Variants in TPD52 observed in about 807,000 individuals in gnomAD.
TPD52 encodes the protein prostate and colon associated protein.
In TPD52, 17 loss-of-function variants were observed where a neutral mutation model predicts 31.3. The ratio of observed to expected loss-of-function variants is 0.54; its 90% CI spans 0.37 to 0.82. The LOEUF is 0.82. Ranked by LOEUF, TPD52 falls within the 40% of genes least tolerant of loss-of-function variation. TPD52 has a pLI of 0.00. For synonymous variants in TPD52, 83 were observed against 89.6 expected, an observed-to-expected ratio of 0.93 and a Z score of 0.42; for missense variants, 212 against 240.1, an observed-to-expected ratio of 0.88 and a Z score of 0.77.
intron 1 of TPD52, among the ~76,000 whole-genome samples, chr8:80,147,312 C>T (rs1810261603): frequency 1.3e-5 from 2 of 152,214 alleles, no homozygotes; most frequent in African/African-American, 2.4e-5. Flanking sequence ...TAAGGGAGAC[C>T]TCGCTGACGG....
intron 1 of TPD52, among the ~76,000 whole-genome samples, chr8:80,087,424 C>T (rs1299350583): frequency 6.6e-6 from 1 of 152,246 alleles, no homozygotes; most frequent in Non-Finnish European, 1.5e-5. Flanking sequence ...AGCAAAGTAA[C>T]ACAGGAGCAG....
rs764324039 is a variant in TPD52, at chr8:80,050,439, C to T, written c.413+6G>A. 59 of 1,606,252 alleles carry T rather than the reference C, an allele frequency of 3.7e-5. No homozygotes were observed. The South Asian group carries it at 6.2e-4, about 17-fold the overall frequency. ...GGACTGCAGTGATGGTTCAAACTCT[C>T]CTTACCTAAAGGAATGTGAAAAGGC... On this transcript the variant is annotated splice_donor_region_variant and intron_variant, in intron 5 of 7. Coordinates refer to ENST00000518937, the MANE Select transcript of TPD52 (RefSeq NM_001025253.3).
At chr8:80,115,255 T>G (rs952871380) in intron 1 of TPD52, among the ~76,000 whole-genome samples, 4 of 152,004 alleles carry the variant, frequency 2.6e-5, no homozygotes, top group African/African-American at 9.7e-5. Flanking sequence ...TGGCAGAAAG[T>G]CTCCGCCCGT....
intron 1 of TPD52, among the ~76,000 whole-genome samples, chr8:80,085,971 A>T (rs1225250828): frequency 6.6e-6 from 1 of 152,078 alleles, no homozygotes. Flanking sequence ...TGAGAGGCAG[A>T]TGGACCGCTC....
At chr8:80,086,354 T>A (rs981869004) in intron 1 of TPD52, among the ~76,000 whole-genome samples, 1 of 151,658 alleles carries the variant, frequency 6.6e-6, no homozygotes, top group African/African-American at 2.4e-5. Flanking sequence ...CCTGACCTCG[T>A]GATCCACCCG....
intron 4 of TPD52, chr8:80,051,239 A>C: frequency 2.3e-6 from 1 of 428,874 alleles, no homozygotes. Context: ...TTTGCAACCA[A>C]AGACATACTT....
At chr8:80,107,604 A>T (rs1385877652) in intron 1 of TPD52, among the ~76,000 whole-genome samples, 2 of 152,216 alleles carry the variant, frequency 1.3e-5, no homozygotes, top group Non-Finnish European at 2.9e-5. Context: ...ATATACACAC[A>T]CATATGTGAT....
At chr8:80,079,242 GAA>G (rs1814956764) in intron 1 of TPD52, among the ~76,000 whole-genome samples, 2 of 152,220 alleles carry the variant, frequency 1.3e-5, no homozygotes, top group Admixed American at 1.3e-4. Flanking sequence ...CAGCACTGGA[GAA>G]AGTTTCCTGG....
intron 1 of TPD52, among the ~76,000 whole-genome samples, chr8:80,156,532 T>C (rs1163697625): frequency 6.6e-6 from 1 of 152,120 alleles, no homozygotes; most frequent in African/African-American, 2.4e-5. Context: ...GATGTTGATG[T>C]GGGTAGATTC....
intron 1 of TPD52, among the ~76,000 whole-genome samples, chr8:80,139,578 T>G (rs1458384414): frequency 6.6e-6 from 1 of 151,774 alleles, no homozygotes; most frequent in East Asian, 1.9e-4. Context: ...AGGTAAAGAT[T>G]TGCCTTGGGG....
At position 80,038,043 on chromosome 8, in the gene TPD52, T is replaced by C; in HGVS notation, c.*73A>G. The C allele has an allele frequency of 6.4e-7, 1 of 1,570,064 alleles. No individual in the cohort carries two copies. The highest frequency in any genetic ancestry group is 8.7e-7 in the Non-Finnish European group (1 of 1,151,498). On this transcript the variant is annotated 3_prime_UTR_variant, in exon 8 of 8. Coordinates refer to ENST00000518937, the MANE Select transcript of TPD52 (RefSeq NM_001025253.3). ...CACATCTGGTAGAAATTCATGGCAA[T>C]GCATGTTGACAAGATGTGCTTGGAC...
intron 2 of TPD52, among the ~76,000 whole-genome samples, chr8:80,060,917 CCCATTTTTA>C (rs1407264419): frequency 2.6e-5 from 4 of 152,046 alleles, no homozygotes; most frequent in Non-Finnish European, 4.4e-5. Flanking sequence ...GACAGGGATA[CCCATTTTTA>C]CCATTTTTAC....
intron 1 of TPD52, among the ~76,000 whole-genome samples, chr8:80,122,539 G>T (rs935193973): frequency 6.6e-6 from 1 of 152,180 alleles, no homozygotes; most frequent in South Asian, 2.1e-4. Context: ...GCCAAAGTAA[G>T]CAGTCCACCT....
At chr8:80,165,498 C>CT (rs1811654043) in intron 1 of TPD52, among the ~76,000 whole-genome samples, 1 of 152,192 alleles carries the variant, frequency 6.6e-6, no homozygotes, top group Non-Finnish European at 1.5e-5. Flanking sequence ...GCTAAAGGCA[C>CT]TTGAAAAACA....
rs932254637 is a variant in TPD52, at chr8:80,037,560, G to A, written c.*556C>T. On this transcript the variant is annotated 3_prime_UTR_variant, in exon 8 of 8. Coordinates refer to ENST00000518937, the MANE Select transcript of TPD52 (RefSeq NM_001025253.3). Reference sequence around the variant, plus strand: ...GCACAGCTGTTTACTTCAGTCTGGTGTCTTCAACCAAAATATGTACCTTAT... The same window carrying A: ...GCACAGCTGTTTACTTCAGTCTGGTATCTTCAACCAAAATATGTACCTTAT... 8 of 152,206 alleles carry A rather than the reference G, an allele frequency of 5.3e-5. No individual in the cohort carries two copies. Among genetic ancestry groups the A allele is most frequent in the African/African-American group, 1.9e-4 (8 of 41,432 alleles). The allele number at this position is 152,206 out of a possible 1,614,324, so 9.4% of individuals were successfully genotyped here.
At chr8:80,144,136 T>A (rs1228146536) in intron 1 of TPD52, among the ~76,000 whole-genome samples, 1 of 152,196 alleles carries the variant, frequency 6.6e-6, no homozygotes, top group Non-Finnish European at 1.5e-5. Context: ...CTTCTTCAAA[T>A]GAAAGTAATC....
chr8:80,142,520 C>T (rs1344837986), intron 1 of TPD52, among the ~76,000 whole-genome samples: 1 of 152,090 alleles, frequency 6.6e-6, no homozygotes, highest in East Asian at 1.9e-4. Context: ...CTTTGGGAGG[C>T]CAAGAGTTCG....
intron 1 of TPD52, chr8:80,158,369 T>C (rs577812100): frequency 6.6e-6 from 1 of 151,822 alleles, no homozygotes; most frequent in East Asian, 1.9e-4. Flanking sequence ...TGGTGGATAA[T>C]GGGGGTGAGG....
intron 1 of TPD52, among the ~76,000 whole-genome samples, chr8:80,113,218 T>C (rs1027890474): frequency 1.3e-5 from 2 of 149,872 alleles, no homozygotes; most frequent in Non-Finnish European, 3.0e-5. Flanking sequence ...AAATCACATC[T>C]ATGAAATGAA....
Sources: gnomAD v4.1 joint callset for allele counts (sites outside exome capture counted in the v4.1 genomes callset) on GRCh38, gnomAD v4.1.1 for gene constraint, MANE v1.5 for transcripts, NCBI Gene and HGNC (gene_info 2026-07-23, HGNC 2026-07-21) for gene names.